Variants in TCFL5 observed in about 807,000 individuals in gnomAD.
The protein encoded by TCFL5 is transcription factor-like 5 protein.
Under a neutral mutation model 44.3 loss-of-function variants are expected in TCFL5, and 9 were observed. The observed-to-expected ratio is 0.20, with a 90% confidence interval of 0.12 to 0.35. The LOEUF is 0.35. TCFL5 is among the 10% of genes least tolerant of loss of function. The pLI is 1.00. For synonymous variants in TCFL5, 319 were observed against 271.6 expected, an observed-to-expected ratio of 1.17 and a Z score of -1.72; for missense variants, 603 against 613.4, an observed-to-expected ratio of 0.98 and a Z score of 0.18.
chr20:62,854,061 T>A lies in TCFL5; in HGVS notation c.1335A>T (p.Ala445=). The A allele has an allele frequency of 6.2e-7, 1 of 1,614,188 alleles. No homozygotes were observed. Among genetic ancestry groups the A allele is most frequent in the Non-Finnish European group, 8.5e-7 (1 of 1,180,050 alleles). ...GTCTTTCCTGGATGTATTTCAGGAA[T>A]GCTGTGGTCCACTGCAGAGTTGTGG... The part of the protein sequence containing the change: ...DKATTLQWTT[A]FLKYIQERHG... The change falls in exon 5 of 6, where the codon GCA becomes GCT. Residue 445 remains alanine (A), a synonymous_variant. Transcript: ENST00000335351.
chr20:62,843,144 G>A (rs1487449954), intron 5 of TCFL5, among the ~76,000 whole-genome samples: 1 of 152,176 alleles, frequency 6.6e-6, no homozygotes, highest in Non-Finnish European at 1.5e-5. Context: ...ACAAATGAAC[G>A]GTGAGGAAGA....
chr20:62,857,587 T>C lies in TCFL5; in HGVS notation c.1046A>G (p.Gln349Arg). Residue 349 changes from glutamine (Q) to arginine (R), a missense_variant, in exon 4 of 6, where the codon CAG (glutamine) becomes CGG (arginine). By Grantham distance (43) the Gln-to-Arg change is conservative. Transcript: ENST00000335351. ...ALKRNRSRMRQLDTNVERRAL... is the reference protein window; with the variant it reads ...ALKRNRSRMRRLDTNVERRAL... ...TCTTCGCTCTACATTTGTGTCCAAC[T>C]GACGCATTCTACTCCGATTCCTCTT... is the stretch of plus-strand genomic sequence containing the variant. 6.2e-7 allele frequency: 1 copy of C among 1,614,270 alleles called. No homozygotes were observed. Among genetic ancestry groups the C allele is most frequent in the African/African-American group, 1.3e-5 (1 of 75,082 alleles).
At chr20:62,846,513 C>T (rs377583805) in intron 5 of TCFL5, among the ~76,000 whole-genome samples, 2 of 152,166 alleles carry the variant, frequency 1.3e-5, no homozygotes, top group South Asian at 4.1e-4. Context: ...TATGTGAAAT[C>T]GTTGAGTTTT....
intron 5 of TCFL5, among the ~76,000 whole-genome samples, chr20:62,844,580 T>TG (rs1250582119): frequency 4.8e-5 from 6 of 125,272 alleles, no homozygotes; most frequent in African/African-American, 2.0e-4. Context: ...TGTTTGTTTT[T>TG]TGTTTTTTTT....
intron 5 of TCFL5, chr20:62,845,962 A>T: frequency 6.9e-7 from 1 of 1,452,100 alleles, no homozygotes; most frequent in Non-Finnish European, 9.2e-7. Context: ...GAGCCCAGAT[A>T]GAAACTTCAA....
Position 62,861,469 on chromosome 20 carries a change from C to T in TCFL5, c.202G>A (p.Ala68Thr). 1 of 1,190,288 alleles carries T rather than the reference C, an allele frequency of 8.4e-7. No homozygotes were observed. Among genetic ancestry groups the T allele is most frequent in the Non-Finnish European group, 1.1e-6 (1 of 946,460 alleles). 73.7% of individuals were successfully genotyped at this position (1,190,288 alleles called of 1,614,324 possible). A position where few individuals can be genotyped will look rare whatever the true frequency, so the allele number is the denominator to read the frequency against. ...CGCGTCTCGAGCTCGCCGTCAGCCG[C>T]CGCCTCCATGTGCGAGCAGAGGATG... ...QHILCSHMEA[A>T]ADGELETRLN... is the part of the protein sequence containing the mutation. The change falls in exon 1 of 6, where the codon GCG (alanine) becomes ACG (threonine). Residue 68 changes from alanine (A) to threonine (T), a missense_variant. Coordinates refer to ENST00000335351, the MANE Select transcript of TCFL5 (RefSeq NM_006602.4). The surrounding 1 kb of genome is among the most constrained non-coding windows in gnomAD (Gnocchi z 4.0).
intron 5 of TCFL5, chr20:62,852,925 T>C: frequency 7.8e-7 from 1 of 1,287,030 alleles, no homozygotes; most frequent in Non-Finnish European, 1.0e-6. Context: ...CAGAAGTATA[T>C]TCACCCAGTC....
Position 62,861,114 on chromosome 20 carries a change from C to G in TCFL5, c.557G>C (p.Arg186Pro). ...GATGCTGTTGAAGCGGTCCTCCAGGCGGACGCGCACGGCCGGCTTGGCCCG... is the reference window on the plus strand; with the variant it reads ...GATGCTGTTGAAGCGGTCCTCCAGGGGGACGCGCACGGCCGGCTTGGCCCG... ...EARAKPAVRVRLEDRFNSIPA... is the reference protein window; with the variant it reads ...EARAKPAVRVPLEDRFNSIPA... Residue 186 changes from arginine (R) to proline (P), a missense_variant, in exon 1 of 6, where the codon CGC (arginine) becomes CCC (proline). Around this residue, in one of 4 missense-constraint regions of TCFL5, gnomAD observed 540 missense variants for 478.7 expected, o/e 1.13. Transcript: ENST00000335351. The surrounding 1 kb of genome is among the most constrained non-coding windows in gnomAD (Gnocchi z 4.0). 2.0e-6 allele frequency: 2 copies of G among 998,570 alleles called. No homozygotes were observed. Among genetic ancestry groups the G allele is most frequent in the Non-Finnish European group, 2.4e-6 (2 of 840,572 alleles). 61.9% of individuals were successfully genotyped at this position (998,570 alleles called of 1,614,324 possible).
At chr20:62,860,997 G>A (rs1450597055) in intron 1 of TCFL5, 27 bp downstream of exon 1, 4 of 991,644 alleles carry the variant, frequency 4.0e-6, no homozygotes, top group Non-Finnish European at 4.8e-6. Context: ...CCCGGGCCCC[G>A]CCAGCCCCCG....
chr20:62,860,044 G>A (rs2063967692), intron 2 of TCFL5, 81 bp downstream of exon 2: 31 of 1,397,456 alleles, frequency 2.2e-5, no homozygotes, highest in African/African-American at 4.4e-5. Flanking sequence ...GGAAAAAAAA[G>A]TACTTGGGAC....
chr20:62,854,146 C>T lies in TCFL5; in HGVS notation c.1250G>A (p.Arg417His), dbSNP rs1469546502. The change falls in exon 5 of 6, where the codon CGC becomes CAC. Residue 417 changes from arginine (R) to histidine (H), a missense_variant. Physicochemically the swap from Arg to His is conservative, Grantham distance 29. Coordinates refer to ENST00000335351, the MANE Select transcript of TCFL5 (RefSeq NM_006602.4). ...GAGATTCAACTCATCACAGCAAATG[C>T]GGATTCTGCGCCTATAGTCAAAACC... Reference protein sequence around the residue: ...RMERDRRRRIRICCDELNLLV... With the variant: ...RMERDRRRRIHICCDELNLLV... The T allele has an allele frequency of 6.2e-7, 1 of 1,613,902 alleles. No individual in the cohort carries two copies. Among genetic ancestry groups the T allele is most frequent in the Non-Finnish European group, 8.5e-7 (1 of 1,180,004 alleles).
chr20:62,846,163 G>A (rs767574399), intron 5 of TCFL5: 18 of 1,162,468 alleles, frequency 1.5e-5, no homozygotes, highest in South Asian at 6.9e-5. Flanking sequence ...TTTAAAAGAC[G>A]ATAATTTAAA....
rs999656206 is a variant in TCFL5 at position 62,861,662 on chromosome 20, G to A, written c.9C>T (p.Gly3=). 1.2e-3 allele frequency: 946 copies of A among 784,864 alleles called. No homozygotes were observed. The highest frequency in any genetic ancestry group is 1.6e-3 in the South Asian group (30 of 18,208). The allele number at this position is 784,864 out of a possible 1,614,324, so 48.6% of individuals were successfully genotyped here. A position where few individuals can be genotyped will look rare whatever the true frequency, so the allele number is the denominator to read the frequency against. The change falls in exon 1 of 6, where the codon GGC becomes GGT. Residue 3 remains glycine (G), a synonymous_variant. Transcript: ENST00000335351. This position sits in a 1 kb window ranked among gnomAD's most constrained non-coding sequence, Gnocchi z 4.0. Reference sequence around the variant, plus strand: ...CCGGCGGCGGCTCCCGCGGTCCGGGGCCCGACATGGCGGCGCGGCGCGGCC... The same window carrying A: ...CCGGCGGCGGCTCCCGCGGTCCGGGACCCGACATGGCGGCGCGGCGCGGCC... MS[G]PGPREPPPEA...
At chr20:62,857,716 T>C in intron 3 of TCFL5, 78 bp from the exon 4 acceptor site, 1 of 1,515,200 alleles carries the variant, frequency 6.6e-7, no homozygotes, top group Non-Finnish European at 8.9e-7. Flanking sequence ...TTTGGCCTTT[T>C]CAATCCAAGA....
intron 5 of TCFL5, among the ~76,000 whole-genome samples, chr20:62,844,618 C>G (rs1296453136): frequency 6.7e-6 from 1 of 148,450 alleles, no homozygotes; most frequent in African/African-American, 2.6e-5. Flanking sequence ...CACTCTGTCA[C>G]CCAGGCTGGA....
At position 62,860,264 on chromosome 20, in the gene TCFL5, G is replaced by A; in HGVS notation, c.692C>T (p.Pro231Leu). 1 of 1,613,548 alleles carries A rather than the reference G, an allele frequency of 6.2e-7. No homozygotes were observed. The highest frequency in any genetic ancestry group is 2.2e-5 in the East Asian group (1 of 44,878). The change falls in exon 2 of 6, where the codon CCT (proline) becomes CTT (leucine). Residue 231 changes from proline to leucine, a missense_variant. Physicochemically the swap from Pro to Leu is moderately conservative, Grantham distance 98. Coordinates refer to ENST00000335351, the MANE Select transcript of TCFL5 (RefSeq NM_006602.4). ...IRHPSELMNVPLQQQNKCTAL... is the reference protein window; with the variant it reads ...IRHPSELMNVLLQQQNKCTAL... ...TGTACATTTGTTTTGTTGCTGAAGA[G>A]GAACATTCATTAGTTCAGATGGATG...
rs190969525 is a variant in TCFL5, at chr20:62,843,567, C to T, written c.1381-1470G>A. Reference sequence around the variant, plus strand: ...TGGTTTTAAAACATAGCATTCTACACGATTAAATCCAGGTTTATACAGTTT... The same window carrying T: ...TGGTTTTAAAACATAGCATTCTACATGATTAAATCCAGGTTTATACAGTTT... On this transcript the variant is annotated intron_variant, in intron 5 of 5. Coordinates refer to ENST00000335351, the MANE Select transcript of TCFL5 (RefSeq NM_006602.4). 9.2e-5 allele frequency among the ~76,000 whole-genome samples: 14 copies of T among 152,118 alleles called. No homozygotes were observed. In the East Asian group the frequency reaches 2.3e-3, roughly 25 times the overall value.
In TCFL5 at chr20:62,841,930, C is replaced by T. The variant is rs199668083; in HGVS notation, c.*45G>A. On this transcript the variant is annotated 3_prime_UTR_variant, in exon 6 of 6. Transcript: ENST00000335351. ...GGTTGCAGAAGGCGTGCACAGGTCA[C>T]GAAGGAATGGCTGTTCACCCCCCGA... 382 of 1,610,928 alleles carry T rather than the reference C, an allele frequency of 2.4e-4. No homozygotes were observed. The highest frequency in any genetic ancestry group is 3.4e-4 in the Admixed American group (20 of 59,674).
chr20:62,845,744 A>G, intron 5 of TCFL5: 2 of 1,606,488 alleles, frequency 1.2e-6, no homozygotes, highest in African/African-American at 1.3e-5. Flanking sequence ...GTCCCTGCCC[A>G]TGCGGAGATA....
Sources: allele counts gnomAD v4.1 joint callset (sites outside exome capture counted in the v4.1 genomes callset), GRCh38; gene constraint gnomAD v4.1.1; regional missense constraint gnomAD v4.1.1; non-coding constraint Gnocchi (gnomAD v3.1); transcripts MANE v1.5; gene names NCBI Gene and HGNC (gene_info 2026-07-23, HGNC 2026-07-21).